The following TBL1X variants were observed in gnomAD, a reference collection of about 807,000 sequenced individuals.
TBL1X encodes transducin beta like 1 X-linked.
TBL1X carries 10 observed loss-of-function variants against 50.7 expected under a neutral mutation model. The ratio of observed to expected loss-of-function variants is 0.20; its 90% CI spans 0.12 to 0.33. TBL1X has a LOEUF of 0.33. Ranked by LOEUF, TBL1X falls within the 10% of genes least tolerant of loss-of-function variation. The pLI is 1.00. For missense variants in TBL1X, 340 were observed against 504.4 expected (o/e 0.67, Z 3.12); for synonymous variants, 190 against 214.7 (o/e 0.88, Z 1.01).
At chrX:9,486,249 T>TA (rs2081911894) in intron 1 of TBL1X, among the ~76,000 whole-genome samples, 1 of 109,361 alleles carries the variant, frequency 9.1e-6, no homozygotes, top group Non-Finnish European at 1.9e-5. Context: ...CTTTTTTTTT[T>TA]TTATTATTGA....
chrX:9,480,610 A>G lies in TBL1X; in HGVS notation c.-201+15163A>G, dbSNP rs775181333. ...AAGTTGAGTTTCCCCTCTATCAGTG[A>G]GTGAAGATTTTTGCCTTTTAAAAAT... On this transcript the variant is annotated intron_variant, in intron 1 of 17. Transcript: ENST00000645353. 2.7e-5 allele frequency among the ~76,000 whole-genome samples: 3 copies of G among 111,636 alleles called. No individual in the cohort carries two copies. The East Asian group carries it at 8.4e-4, about 31-fold the overall frequency.
intron 5 of TBL1X, among the ~76,000 whole-genome samples, chrX:9,665,539 A>ATATATATATAT (rs3043954): frequency 2.9e-3 from 180 of 62,811 alleles, no homozygotes; most frequent in Non-Finnish European, 3.6e-3. Context: ...ATATATATAT[A>ATATATATATAT]AAAGGCCTTG....
chrX:9,604,714 C>T (rs2082574235), intron 2 of TBL1X, among the ~76,000 whole-genome samples: 1 of 110,735 alleles, frequency 9.0e-6, no homozygotes. Flanking sequence ...GGCCGAGCGC[C>T]GCTGGCCTGT....
At chrX:9,631,267 A>C (rs1401377057) in intron 2 of TBL1X, among the ~76,000 whole-genome samples, 1 of 111,424 alleles carries the variant, frequency 9.0e-6, no homozygotes, top group Non-Finnish European at 1.9e-5. Context: ...CCCAATAGTT[A>C]TCGTCTCTGT....
At chrX:9,480,365 G>T (rs994192485) in intron 1 of TBL1X, among the ~76,000 whole-genome samples, 4 of 112,331 alleles carry the variant, frequency 3.6e-5, no homozygotes, top group Non-Finnish European at 7.5e-5. Context: ...CATCTTAAAA[G>T]AGTAATGGGA....
chrX:9,644,646 TTTC>T (rs1374157787), intron 3 of TBL1X: 2 of 103,751 alleles, frequency 1.9e-5, no homozygotes, highest in Non-Finnish European at 2.0e-5. Flanking sequence ...ATGGGGATTT[TTTC>T]TTTTCTTTTC....
At chrX:9,615,482 A>G (rs1357737579) in intron 2 of TBL1X, among the ~76,000 whole-genome samples, 1 of 112,068 alleles carries the variant, frequency 8.9e-6, no homozygotes, top group Non-Finnish European at 1.9e-5. Context: ...ACAATCACAC[A>G]CTCGATGGAG....
At chrX:9,470,731 A>G (rs2081809226) in intron 1 of TBL1X, among the ~76,000 whole-genome samples, 2 of 110,318 alleles carry the variant, frequency 1.8e-5, no homozygotes, top group Admixed American at 9.6e-5. Context: ...GCTTCCCGGG[A>G]TCAAGCAATT....
intron 2 of TBL1X, among the ~76,000 whole-genome samples, chrX:9,532,271 C>T (rs1057494225): frequency 1.8e-5 from 2 of 111,905 alleles, no homozygotes; most frequent in Non-Finnish European, 3.8e-5. Context: ...TTCTGCCCCA[C>T]CCTGGACATC....
At chrX:9,676,732 A>C (rs902664779) in intron 5 of TBL1X, among the ~76,000 whole-genome samples, 1 of 112,118 alleles carries the variant, frequency 8.9e-6, no homozygotes, top group African/African-American at 3.2e-5. Flanking sequence ...GGAGTTGAGG[A>C]CTGGGCCTTG....
At chrX:9,700,985 G>A (rs2083167409) in intron 12 of TBL1X, among the ~76,000 whole-genome samples, 1 of 110,614 alleles carries the variant, frequency 9.0e-6, no homozygotes, top group South Asian at 4.0e-4. Context: ...TCAGTGCTGT[G>A]GGAGTTGAGG....
intron 2 of TBL1X, among the ~76,000 whole-genome samples, chrX:9,631,117 T>A (rs1354117255): frequency 9.0e-6 from 1 of 111,602 alleles, no homozygotes; most frequent in African/African-American, 3.3e-5. Context: ...GGCCTCTTAT[T>A]TATTTTGCTT....
At chrX:9,684,216 A>G (rs773658191) in intron 6 of TBL1X, 28 bp downstream of exon 6, 18 of 1,207,987 alleles carry the variant, frequency 1.5e-5, no homozygotes, top group Non-Finnish European at 1.8e-5. Flanking sequence ...CCGGCCCCCA[A>G]ACAGCAGAGC....
At position 9,499,979 on chromosome X, in the gene TBL1X, C is replaced by CA. The variant is rs34239377; in HGVS notation, c.-200-1789dup. Among the ~76,000 whole-genome samples the CA allele has an allele frequency of 6.0e-3, 549 of 91,656 alleles. 2 individuals are homozygous for CA. Among genetic ancestry groups the CA allele is most frequent in the African/African-American group, 0.017 (421 of 24,994 alleles). 79.6% of individuals were successfully genotyped at this position (91,656 alleles called of 115,157 possible). Reference sequence around the variant, plus strand: ...GGCAACAAGAGCAAAATCCTGTCTCCAAAAAAAAAAAAGAACTGCTCTTGG... The same window carrying CA: ...GGCAACAAGAGCAAAATCCTGTCTCCAAAAAAAAAAAAAGAACTGCTCTTGG... On this transcript the variant is annotated intron_variant, in intron 1 of 17. Transcript: ENST00000645353.
At chrX:9,670,432 A>C (rs1210078717) in intron 5 of TBL1X, among the ~76,000 whole-genome samples, 1 of 111,294 alleles carries the variant, frequency 9.0e-6, no homozygotes, top group Non-Finnish European at 1.9e-5. Context: ...CTTCGGAGAG[A>C]CTTGATTTGA....
At chrX:9,520,316 C>T (rs1482510363) in intron 2 of TBL1X, among the ~76,000 whole-genome samples, 5 of 111,562 alleles carry the variant, frequency 4.5e-5, no homozygotes, top group East Asian at 2.8e-4. Flanking sequence ...GACCGCCCCC[C>T]GCCCCCCACC....
intron 2 of TBL1X, among the ~76,000 whole-genome samples, chrX:9,618,540 A>T (rs759912088): frequency 1.8e-5 from 2 of 111,599 alleles, no homozygotes; most frequent in African/African-American, 6.5e-5. Flanking sequence ...TTAGCCGGGC[A>T]TGGTGGCGCG....
At chrX:9,624,828 A>G (rs758921488) in intron 2 of TBL1X, among the ~76,000 whole-genome samples, 1 of 112,399 alleles carries the variant, frequency 8.9e-6, no homozygotes, top group Admixed American at 9.4e-5. Flanking sequence ...GGAAGCTGCT[A>G]AAGTATTTTA....
chrX:9,512,590 C>T (rs541382442), intron 2 of TBL1X, among the ~76,000 whole-genome samples: 2 of 110,011 alleles, frequency 1.8e-5, no homozygotes, highest in Non-Finnish European at 3.8e-5. Context: ...CTCCACCTCC[C>T]GGGTTCAAGT....
Sources: allele counts gnomAD v4.1 joint callset (sites outside exome capture counted in the v4.1 genomes callset), GRCh38; gene constraint gnomAD v4.1.1; transcripts MANE v1.5; gene names NCBI Gene and HGNC (gene_info 2026-07-23, HGNC 2026-07-21).